FARS2: variants seen among roughly 807,000 people sequenced by gnomAD.
FARS2 encodes phenylalanine--tRNA ligase, mitochondrial.
A neutral mutation model predicts 46.4 loss-of-function variants in FARS2; 40 were observed. The observed-to-expected ratio is 0.86, with a 90% CI of 0.67 to 1.12. The LOEUF (loss-of-function observed/expected upper bound fraction) is 1.12, where lower values mean the gene tolerates loss of function less well. Ranked by LOEUF, FARS2 falls within the 50% of genes most tolerant of loss-of-function variation. The pLI is 0.00. For synonymous variants in FARS2, 234 were observed against 214.9 expected (o/e 1.09, Z -0.78); for missense variants, 513 against 567.9 (o/e 0.90, Z 0.98).
At chr6:5,494,668 G>C (rs373673744) in intron 4 of FARS2, among the ~76,000 whole-genome samples, 8 of 152,184 alleles carry the variant, frequency 5.3e-5, no homozygotes, top group African/African-American at 1.9e-4. Flanking sequence ...CTCTTCTGTT[G>C]TTTCCTTCAC....
At chr6:5,273,867 C>G (rs535620013) in intron 1 of FARS2, among the ~76,000 whole-genome samples, 36 of 152,192 alleles carry the variant, frequency 2.4e-4, no homozygotes, top group African/African-American at 8.2e-4. Flanking sequence ...GAGATAGGAA[C>G]TTAGCATCAT....
intron 5 of FARS2, among the ~76,000 whole-genome samples, chr6:5,555,697 A>G (rs1771616292): frequency 6.6e-6 from 1 of 152,124 alleles, no homozygotes; most frequent in Non-Finnish European, 1.5e-5. Context: ...AAACTTTTTC[A>G]GTATTTCCAT....
At position 5,729,754 on chromosome 6, in the gene FARS2, G is replaced by A. The variant is rs1760503864; in HGVS notation, c.1218-41537G>A. On this transcript the variant is annotated intron_variant, in intron 6 of 6. Coordinates refer to ENST00000274680, the MANE Select transcript of FARS2 (RefSeq NM_006567.5). ...TCTGCTTTGTTTTTGTTTTTTGTATGTTTGCTTTCAAGGCACATATTTTCA... is the reference window on the plus strand; with the variant it reads ...TCTGCTTTGTTTTTGTTTTTTGTATATTTGCTTTCAAGGCACATATTTTCA... Among the ~76,000 whole-genome samples, 3 of 152,030 alleles carry A rather than the reference G, an allele frequency of 2.0e-5. No homozygotes were observed. The South Asian group carries it at 6.2e-4, about 32-fold the overall frequency.
intron 4 of FARS2, among the ~76,000 whole-genome samples, chr6:5,539,152 T>TC (rs1770406852): frequency 6.6e-6 from 1 of 150,630 alleles, no homozygotes; most frequent in African/African-American, 2.4e-5. Flanking sequence ...AGCCTTCCTT[T>TC]CCCCCATCAA....
intron 5 of FARS2, among the ~76,000 whole-genome samples, chr6:5,582,101 G>A (rs1261880851): frequency 7.1e-6 from 1 of 140,416 alleles, no homozygotes; most frequent in Non-Finnish European, 1.5e-5. Flanking sequence ...AATTCCTGAT[G>A]CGCTTCTATA....
At chr6:5,283,703 G>C (rs73718035) in intron 1 of FARS2, among the ~76,000 whole-genome samples, 2,029 of 152,142 alleles carry the variant, frequency 0.013, 40 homozygotes, top group African/African-American at 0.046. Context: ...ATTTCTAAAA[G>C]GTGTCAGGTA....
intron 6 of FARS2, among the ~76,000 whole-genome samples, chr6:5,621,549 CCCATCAT>C (rs1775778137): frequency 6.6e-6 from 1 of 152,180 alleles, no homozygotes; most frequent in Non-Finnish European, 1.5e-5. Flanking sequence ...ATGGAAGGTA[CCCATCAT>C]CCAGGGCTGC....
intron 6 of FARS2, among the ~76,000 whole-genome samples, chr6:5,629,937 T>C (rs79340722): frequency 0.019 from 2,956 of 152,164 alleles, 113 homozygotes; most frequent in African/African-American, 0.067. Context: ...GTGGTTGGAA[T>C]GGAGATGAGG....
chr6:5,743,361 G>T (rs917450107), intron 6 of FARS2, among the ~76,000 whole-genome samples: 3 of 152,116 alleles, frequency 2.0e-5, no homozygotes, highest in African/African-American at 4.8e-5. Flanking sequence ...TGTTTTGGGG[G>T]TGCTGGCCAC....
the FARS2 span, among the ~76,000 whole-genome samples, chr6:5,253,896 C>T: frequency 1.3e-5 from 2 of 151,530 alleles, no homozygotes; most frequent in African/African-American, 4.8e-5. Flanking sequence ...AACAATGAAC[C>T]ATTTCTCGAT....
At chr6:5,680,810 C>G (rs1341804562) in intron 6 of FARS2, among the ~76,000 whole-genome samples, 1 of 147,962 alleles carries the variant, frequency 6.8e-6, no homozygotes, top group African/African-American at 2.5e-5. Flanking sequence ...AAAATTTGTT[C>G]TAATAGAAAA....
intron 2 of FARS2, among the ~76,000 whole-genome samples, chr6:5,388,006 G>A (rs1760246968): frequency 6.6e-6 from 1 of 151,894 alleles, no homozygotes; most frequent in African/African-American, 2.4e-5. Flanking sequence ...TCTTATATTA[G>A]CATGGTACAT....
the FARS2 span, among the ~76,000 whole-genome samples, chr6:5,255,110 G>A: frequency 6.6e-6 from 1 of 152,084 alleles, no homozygotes; most frequent in South Asian, 2.1e-4. Context: ...TGACTATCTT[G>A]ACTTCTGCAA....
intron 4 of FARS2, among the ~76,000 whole-genome samples, chr6:5,536,574 A>T (rs9405843): frequency 0.099 from 15,097 of 152,252 alleles, 957 homozygotes; most frequent in East Asian, 0.22. Flanking sequence ...ATTCTCATTC[A>T]TAGCCACAAG....
At chr6:5,258,781 C>T (rs1313998229), upstream of FARS2, among the ~76,000 whole-genome samples, 3 of 152,062 alleles carry the variant, frequency 2.0e-5, no homozygotes, top group African/African-American at 7.3e-5. Flanking sequence ...ATAATTTGAT[C>T]AATTATTTTC....
At chr6:5,564,859 C>T (rs1462218449) in intron 5 of FARS2, among the ~76,000 whole-genome samples, 1 of 152,152 alleles carries the variant, frequency 6.6e-6, no homozygotes, top group Non-Finnish European at 1.5e-5. Flanking sequence ...TCTTTACTGA[C>T]CACAGGTTAG....
intron 1 of FARS2, among the ~76,000 whole-genome samples, chr6:5,356,024 A>G (rs2552296): frequency 0.84 from 128,284 of 151,980 alleles, 54,659 homozygotes; most frequent in African/African-American, 0.96. Context: ...GCATGTTCCC[A>G]GCTGAGGTTG....
At chr6:5,545,026 T>G (rs892247709) in intron 4 of FARS2, among the ~76,000 whole-genome samples, 154 bp from the exon 5 acceptor site, 9 of 152,224 alleles carry the variant, frequency 5.9e-5, no homozygotes, top group Non-Finnish European at 2.9e-5. Flanking sequence ...CGTGGAAGAT[T>G]GGGCACCCTC....
chr6:5,691,799 A>G (rs1172899301), intron 6 of FARS2, among the ~76,000 whole-genome samples: 3 of 152,178 alleles, frequency 2.0e-5, no homozygotes, highest in Non-Finnish European at 4.4e-5. Flanking sequence ...GAGTCTACAG[A>G]GGCAGGCAGA....
Sources: gnomAD v4.1 joint callset for allele counts (sites outside exome capture counted in the v4.1 genomes callset) on GRCh38, gnomAD v4.1.1 for gene constraint, MANE v1.5 for transcripts, NCBI Gene and HGNC (gene_info 2026-07-23, HGNC 2026-07-21) for gene names.